NFIB: variants seen among roughly 807,000 people sequenced by gnomAD.
NFIB encodes nuclear factor 1 B-type.
NFIB carries 11 observed loss-of-function variants against 61.5 expected under a neutral mutation model. The ratio of observed to expected loss-of-function variants is 0.18; its 90% CI spans 0.11 to 0.30. NFIB has a LOEUF of 0.30. Ranked by LOEUF, NFIB falls within the 10% of genes least tolerant of loss-of-function variation. The pLI is 1.00. For synonymous variants in NFIB, 260 were observed against 216.5 expected, an observed-to-expected ratio of 1.20 and a Z score of -1.76; for missense variants, 471 against 608.9, an observed-to-expected ratio of 0.77 and a Z score of 2.38.
chr9:14,492,727 T>G, the NFIB span, among the ~76,000 whole-genome samples: 1 of 152,094 alleles, frequency 6.6e-6, no homozygotes, highest in African/African-American at 2.4e-5. Flanking sequence ...CCCACCTCCA[T>G]CATTGGGGAT....
the NFIB span, among the ~76,000 whole-genome samples, chr9:14,457,545 A>C: frequency 6.7e-6 from 1 of 149,128 alleles, no homozygotes; most frequent in Non-Finnish European, 1.5e-5. Flanking sequence ...AGACACAAAA[A>C]ACCCTTCAAA....
the NFIB span, among the ~76,000 whole-genome samples, chr9:14,427,257 C>T: frequency 6.6e-6 from 1 of 152,088 alleles, no homozygotes; most frequent in African/African-American, 2.4e-5. Context: ...GTGTGGCATA[C>T]AATAATGGTA....
intron 2 of NFIB, among the ~76,000 whole-genome samples, chr9:14,228,089 G>T (rs2052658694): frequency 6.6e-6 from 1 of 151,798 alleles, no homozygotes; most frequent in African/African-American, 2.4e-5. Flanking sequence ...ACCAGTAGAA[G>T]GAATCTAAAG....
At chr9:14,457,472 C>T in the NFIB span, among the ~76,000 whole-genome samples, 2 of 151,894 alleles carry the variant, frequency 1.3e-5, no homozygotes, top group Non-Finnish European at 2.9e-5. Context: ...CGAGAGCAAA[C>T]ACATTCAAAA....
chr9:14,188,479 A>T (rs959469250), intron 2 of NFIB, among the ~76,000 whole-genome samples: 1 of 152,242 alleles, frequency 6.6e-6, no homozygotes, highest in African/African-American at 2.4e-5. Flanking sequence ...AGAGAGAAAT[A>T]AACTAAAACA....
At chr9:14,342,184 G>A (rs1310059494) in intron 1 of NFIB, among the ~76,000 whole-genome samples, 1 of 152,164 alleles carries the variant, frequency 6.6e-6, no homozygotes, top group Admixed American at 6.5e-5. Context: ...TTAACCATTT[G>A]AAAATAAAGA....
chr9:14,459,897 G>A, the NFIB span, among the ~76,000 whole-genome samples: 1 of 151,576 alleles, frequency 6.6e-6, no homozygotes, highest in Non-Finnish European at 1.5e-5. Context: ...TGGAGAAATA[G>A]GAACACTTTT....
chr9:14,193,821 G>A (rs949897919), intron 2 of NFIB, among the ~76,000 whole-genome samples: 4 of 152,076 alleles, frequency 2.6e-5, no homozygotes, highest in African/African-American at 4.8e-5. Flanking sequence ...GTGACATAAC[G>A]GAAAAACATA....
Position 14,272,930 on chromosome 9 carries a change from T to C in NFIB, c.562+34059A>G, listed in dbSNP as rs114726431. On this transcript the variant is annotated intron_variant, in intron 2 of 10. Transcript: ENST00000380953. The stretch of plus-strand genomic sequence containing the variant: ...TGTTACTTAGCCTCAACTTAAGATA[T>C]AAATCCAGAGTAAACATAACAATGG... Among the ~76,000 whole-genome samples the C allele has an allele frequency of 2.5e-3, 388 of 152,252 alleles. 1 individual carries two copies. Among genetic ancestry groups the C allele is most frequent in the African/African-American group, 7.4e-3 (308 of 41,560 alleles).
intron 1 of NFIB, among the ~76,000 whole-genome samples, chr9:14,394,387 A>G (rs1289312396): frequency 6.6e-6 from 1 of 152,194 alleles, no homozygotes; most frequent in African/African-American, 2.4e-5. Context: ...TTATAAAGGA[A>G]AGAGGTTTAA....
intron 1 of NFIB, among the ~76,000 whole-genome samples, chr9:14,386,661 T>C (rs1159817418): frequency 6.6e-6 from 1 of 152,212 alleles, no homozygotes; most frequent in Non-Finnish European, 1.5e-5. Flanking sequence ...GTGGAATCTC[T>C]TTACTATATG....
At chr9:14,395,909 G>T (rs2061680648) in intron 1 of NFIB, among the ~76,000 whole-genome samples, 2 of 151,446 alleles carry the variant, frequency 1.3e-5, no homozygotes, top group Admixed American at 6.6e-5. Context: ...GGTGGGGGTG[G>T]GGATCGGGCC....
At chr9:14,391,628 G>A (rs969366378) in intron 1 of NFIB, among the ~76,000 whole-genome samples, 6 of 152,030 alleles carry the variant, frequency 3.9e-5, no homozygotes, top group Admixed American at 6.6e-5. Flanking sequence ...GTGAGCACAC[G>A]TACAACTTCA....
intron 1 of NFIB, among the ~76,000 whole-genome samples, chr9:14,346,492 C>T (rs2061024390): frequency 6.6e-6 from 1 of 152,066 alleles, no homozygotes; most frequent in Non-Finnish European, 1.5e-5. Flanking sequence ...CAGAAAAGCC[C>T]GCCCAGCGTC....
At chr9:14,329,982 G>A (rs1296168556) in intron 1 of NFIB, among the ~76,000 whole-genome samples, 1 of 151,990 alleles carries the variant, frequency 6.6e-6, no homozygotes, top group East Asian at 2.0e-4. Context: ...AATTAGCTGG[G>A]CGTGGGTGGT....
chr9:14,130,777 T>A (rs2040311086), intron 6 of NFIB, among the ~76,000 whole-genome samples: 1 of 152,140 alleles, frequency 6.6e-6, no homozygotes, highest in Admixed American at 6.5e-5. Flanking sequence ...AGAAACTGTA[T>A]TATGAAGTGA....
intron 2 of NFIB, among the ~76,000 whole-genome samples, chr9:14,217,309 C>T (rs1432346761): frequency 6.6e-6 from 1 of 152,058 alleles, no homozygotes; most frequent in Non-Finnish European, 1.5e-5. Context: ...GCAAGAGCAA[C>T]CAAAAGATAA....
At chr9:14,478,398 C>G in the NFIB span, among the ~76,000 whole-genome samples, 3 of 152,274 alleles carry the variant, frequency 2.0e-5, no homozygotes, top group East Asian at 5.8e-4. Flanking sequence ...ACATACAGAA[C>G]AGGTTAGACT....
intron 2 of NFIB, among the ~76,000 whole-genome samples, chr9:14,298,052 A>C (rs1369163101): frequency 6.6e-6 from 1 of 152,210 alleles, no homozygotes; most frequent in East Asian, 1.9e-4. Context: ...CACAGAAATA[A>C]AATCTTCATA....
Sources: allele counts gnomAD v4.1 joint callset (sites outside exome capture counted in the v4.1 genomes callset), GRCh38; gene constraint gnomAD v4.1.1; transcripts MANE v1.5; gene names NCBI Gene and HGNC (gene_info 2026-07-23, HGNC 2026-07-21).